CA10: variants seen among roughly 807,000 people sequenced by gnomAD.
The protein encoded by CA10 is carbonic anhydrase-related protein 10.
Under a neutral mutation model 44.2 loss-of-function variants are expected in CA10, and 14 were observed. The observed-to-expected ratio is 0.32, with a 90% CI of 0.21 to 0.50. The LOEUF (loss-of-function observed/expected upper bound fraction) is 0.50. CA10 is among the 20% of genes least tolerant of loss of function. The pLI is 0.99. For missense variants in CA10, 350 were observed against 409.7 expected, an observed-to-expected ratio of 0.85 and a Z score of 1.26; for synonymous variants, 159 against 141.6, an observed-to-expected ratio of 1.12 and a Z score of -0.87.
chr17:51,911,229 C>T (rs1322877640), intron 3 of CA10, among the ~76,000 whole-genome samples: 1 of 152,134 alleles, frequency 6.6e-6, no homozygotes, highest in Non-Finnish European at 1.5e-5. Context: ...CAGACCTCCC[C>T]CAGCAGACCT....
At chr17:51,899,828 G>A (rs2143928116) in intron 3 of CA10, among the ~76,000 whole-genome samples, 1 of 151,580 alleles carries the variant, frequency 6.6e-6, no homozygotes, top group Non-Finnish European at 1.5e-5. Flanking sequence ...ATTGTTGTTG[G>A]TTTAAAGTCT....
At chr17:51,921,248 TG>T in intron 3 of CA10, among the ~76,000 whole-genome samples, 1 of 152,322 alleles carries the variant, frequency 6.6e-6, no homozygotes, top group Middle Eastern at 3.4e-3. Context: ...TGCCTCATTG[TG>T]TTCTACAATT....
Position 51,840,011 on chromosome 17 carries a change from A to G in CA10, c.279+90979T>C, listed in dbSNP as rs79237959. The stretch of plus-strand genomic sequence containing the variant: ...CAGATAAAAACTCGGGCTCATGTGC[A>G]TAAAGTAAATAGAGTATAGTGTTTA... On this transcript the variant is annotated intron_variant, in intron 3 of 8. Coordinates refer to ENST00000451037, the MANE Select transcript of CA10 (RefSeq NM_020178.5). Among the ~76,000 whole-genome samples, 1,166 of 152,352 alleles carry G rather than the reference A, an allele frequency of 7.7e-3. 34 individuals are homozygous for G. In the East Asian group the frequency reaches 0.082, roughly 11 times the overall value.
intron 3 of CA10, among the ~76,000 whole-genome samples, chr17:51,768,038 G>A (rs761296445): frequency 1.3e-5 from 2 of 152,034 alleles, no homozygotes; most frequent in South Asian, 4.1e-4. Context: ...AATCCAAGCC[G>A]GGATACTACA....
chr17:51,831,562 A>G (rs1908240688), intron 3 of CA10, among the ~76,000 whole-genome samples: 1 of 152,172 alleles, frequency 6.6e-6, no homozygotes, highest in African/African-American at 2.4e-5. Context: ...AAGACTATCA[A>G]TGGCTCCAAG....
intron 2 of CA10, among the ~76,000 whole-genome samples, chr17:52,017,771 C>T (rs1431527311): frequency 6.6e-6 from 1 of 152,086 alleles, no homozygotes; most frequent in Non-Finnish European, 1.5e-5. Flanking sequence ...GAGACATTCA[C>T]ATGACTAAAT....
At chr17:52,104,802 G>A (rs556814570) in intron 1 of CA10, among the ~76,000 whole-genome samples, 16 of 152,270 alleles carry the variant, frequency 1.1e-4, no homozygotes, top group African/African-American at 3.6e-4. Flanking sequence ...CGCTAGTCTT[G>A]GCCCTGCTAG....
intron 3 of CA10, among the ~76,000 whole-genome samples, chr17:51,865,597 C>T (rs1567865863): frequency 6.6e-6 from 1 of 152,174 alleles, no homozygotes; most frequent in African/African-American, 2.4e-5. Context: ...CAAAACCAGA[C>T]AATATAATGT....
At position 52,155,505 on chromosome 17, in the gene CA10, G is replaced by C. The variant is rs144869629; in HGVS notation, c.61+2221C>G. Among the ~76,000 whole-genome samples, 769 of 152,284 alleles carry C rather than the reference G, an allele frequency of 5.0e-3. 6 individuals are homozygous for C. The highest frequency in any genetic ancestry group is 0.033 in the South Asian group (157 of 4,826). On this transcript the variant is annotated intron_variant, in intron 1 of 8. Coordinates refer to ENST00000451037, the MANE Select transcript of CA10 (RefSeq NM_020178.5). ...GAGTCTCCCAAACTGTAGCAATTGT[G>C]AGTCATAATCATATTACTAATAATA...
chr17:52,131,198 T>A (rs1989231098), intron 1 of CA10, among the ~76,000 whole-genome samples: 1 of 152,150 alleles, frequency 6.6e-6, no homozygotes, highest in Non-Finnish European at 1.5e-5. Flanking sequence ...ATAATATATA[T>A]TTGAGTGTTC....
intron 4 of CA10, among the ~76,000 whole-genome samples, chr17:51,699,205 C>A (rs1159853329): frequency 6.6e-6 from 1 of 151,964 alleles, no homozygotes; most frequent in African/African-American, 2.4e-5. Flanking sequence ...CACTTGTAAT[C>A]CCAGCTACTT....
chr17:51,853,312 C>T (rs1978885455), intron 3 of CA10, among the ~76,000 whole-genome samples: 1 of 152,160 alleles, frequency 6.6e-6, no homozygotes, highest in African/African-American at 2.4e-5. Flanking sequence ...TGTCCCTGAT[C>T]CTCAGGCTGT....
At chr17:52,083,227 A>T (rs150556268) in intron 1 of CA10, among the ~76,000 whole-genome samples, 2 of 150,880 alleles carry the variant, frequency 1.3e-5, no homozygotes, top group Non-Finnish European at 2.9e-5. Context: ...ATGAGACTAA[A>T]ATCTCCTTGT....
chr17:51,796,869 A>G (rs1361919143), intron 3 of CA10, among the ~76,000 whole-genome samples: 1 of 152,226 alleles, frequency 6.6e-6, no homozygotes, highest in Admixed American at 6.5e-5. Context: ...TCCCACAGCA[A>G]TTAGAGACAT....
chr17:52,090,813 C>T (rs1448057019), intron 1 of CA10, among the ~76,000 whole-genome samples: 2 of 152,008 alleles, frequency 1.3e-5, no homozygotes, highest in African/African-American at 4.8e-5. Context: ...TGAACTGGAA[C>T]GTGGTGTAAA....
rs189063669 is a variant in CA10 at position 52,114,946 on chromosome 17, C to A, written c.62-42553G>T. ...TGGGGCCCCCTAATGCTATGCTCTG[C>A]CACTGATATATGCAGGAGGCAGATA... On this transcript the variant is annotated intron_variant, in intron 1 of 8. Coordinates refer to ENST00000451037, the MANE Select transcript of CA10 (RefSeq NM_020178.5). 2.3e-3 allele frequency among the ~76,000 whole-genome samples: 356 copies of A among 152,282 alleles called. 4 individuals are homozygous for A. Among genetic ancestry groups the A allele is most frequent in the Non-Finnish European group, 7.9e-4 (54 of 68,012 alleles).
intron 1 of CA10, among the ~76,000 whole-genome samples, chr17:52,073,902 G>A (rs900707855): frequency 2.0e-5 from 3 of 152,188 alleles, no homozygotes; most frequent in African/African-American, 7.2e-5. Flanking sequence ...GAAAGACAAG[G>A]AGATTTGAAG....
At chr17:51,773,617 C>T (rs1555598131) in intron 3 of CA10, among the ~76,000 whole-genome samples, 1 of 152,240 alleles carries the variant, frequency 6.6e-6, no homozygotes, top group Non-Finnish European at 1.5e-5. Context: ...TTAACCAGCC[C>T]ATGCCTCAGT....
At chr17:51,637,845 A>T (rs1255936471) in intron 6 of CA10, among the ~76,000 whole-genome samples, 1 of 152,218 alleles carries the variant, frequency 6.6e-6, no homozygotes, top group Non-Finnish European at 1.5e-5. Context: ...ACGATTATTC[A>T]CTAGAACCTC....
Sources: gnomAD v4.1 joint callset for allele counts (sites outside exome capture counted in the v4.1 genomes callset) on GRCh38, gnomAD v4.1.1 for gene constraint, MANE v1.5 for transcripts, NCBI Gene and HGNC (gene_info 2026-07-23, HGNC 2026-07-21) for gene names.